Variants in IL1RAPL1 observed in about 807,000 individuals in gnomAD.
IL1RAPL1 encodes the protein interleukin 1 receptor accessory protein like 1.
In IL1RAPL1, 3 loss-of-function variants were observed where a neutral mutation model predicts 48.4. The ratio of observed to expected loss-of-function variants is 0.06; its 90% CI spans 0.03 to 0.16. The LOEUF is 0.16. Ranked by LOEUF, IL1RAPL1 falls within the 10% of genes least tolerant of loss-of-function variation. The pLI is 1.00. For synonymous variants in IL1RAPL1, 185 were observed against 187.7 expected (o/e 0.99, Z 0.12); for missense variants, 349 against 530.6 (o/e 0.66, Z 3.36).
chrX:29,775,397 C>T (rs1569165588), intron 6 of IL1RAPL1, among the ~76,000 whole-genome samples: 2 of 111,445 alleles, frequency 1.8e-5, no homozygotes, highest in Non-Finnish European at 3.8e-5. Flanking sequence ...TTGTGAGAAG[C>T]AAAAGGGGAC....
At chrX:29,674,350 G>A (rs185820653) in intron 6 of IL1RAPL1, among the ~76,000 whole-genome samples, 311 of 111,507 alleles carry the variant, frequency 2.8e-3, no homozygotes, top group African/African-American at 9.1e-3. Context: ...CACTTGGGCC[G>A]AGGTGATTGA....
chrX:28,874,965 C>G (rs766114159), intron 2 of IL1RAPL1, among the ~76,000 whole-genome samples: 35 of 111,769 alleles, frequency 3.1e-4, no homozygotes, highest in African/African-American at 1.1e-3. Context: ...GTTGATTTCT[C>G]TACTTATTGA....
At chrX:29,305,172 G>A (rs1932598562) in intron 3 of IL1RAPL1, among the ~76,000 whole-genome samples, 1 of 111,972 alleles carries the variant, frequency 8.9e-6, no homozygotes, top group African/African-American at 3.2e-5. Flanking sequence ...AATTATAACC[G>A]GGTGGTATTG....
At chrX:28,799,684 C>T (rs1281702738) in intron 2 of IL1RAPL1, among the ~76,000 whole-genome samples, 1 of 111,211 alleles carries the variant, frequency 9.0e-6, no homozygotes, top group African/African-American at 3.3e-5. Context: ...GTAAGGGACT[C>T]GATAAAAATC....
At chrX:28,636,643 C>T (rs1934468571) in intron 1 of IL1RAPL1, among the ~76,000 whole-genome samples, 1 of 111,678 alleles carries the variant, frequency 9.0e-6, no homozygotes, top group African/African-American at 3.3e-5. Flanking sequence ...TGGCTTTCAG[C>T]TTCATGATTG....
chrX:29,564,453 CAG>C (rs1385002131), intron 5 of IL1RAPL1, among the ~76,000 whole-genome samples: 1 of 113,110 alleles, frequency 8.8e-6, no homozygotes, highest in African/African-American at 3.2e-5. Flanking sequence ...GGAGTACTAA[CAG>C]AGAAAATTAT....
intron 5 of IL1RAPL1, among the ~76,000 whole-genome samples, chrX:29,449,780 C>CACACACACACACAGAGAGAGAGAG (rs557765024): frequency 1.7e-5 from 1 of 58,277 alleles, no homozygotes; most frequent in Non-Finnish European, 3.1e-5. Context: ...CACACACACA[C>CACACACACACACAGAGAGAGAGAG]AGAGAGAGAG....
At chrX:29,751,989 G>GTA (rs1299699663) in intron 6 of IL1RAPL1, among the ~76,000 whole-genome samples, 1 of 99,406 alleles carries the variant, frequency 1.0e-5, no homozygotes, top group African/African-American at 3.7e-5. Context: ...ATATGTGTGT[G>GTA]TATATATATA....
intron 5 of IL1RAPL1, among the ~76,000 whole-genome samples, chrX:29,550,765 A>G (rs1921789373): frequency 8.9e-6 from 1 of 112,120 alleles, no homozygotes; most frequent in African/African-American, 3.2e-5. Context: ...AGATGGTGCA[A>G]AAGGAAAACA....
intron 1 of IL1RAPL1, among the ~76,000 whole-genome samples, chrX:28,681,581 G>A (rs1601857467): frequency 9.0e-6 from 1 of 111,372 alleles, no homozygotes; most frequent in South Asian, 3.8e-4. Flanking sequence ...CTTGAGATGG[G>A]ATCTAATGTA....
intron 3 of IL1RAPL1, among the ~76,000 whole-genome samples, chrX:29,324,230 C>G (rs1191726659): frequency 9.0e-6 from 1 of 111,208 alleles, no homozygotes; most frequent in Non-Finnish European, 1.9e-5. Context: ...TCCTTCCCAT[C>G]ATAAGGGTCA....
At chrX:28,731,399 C>T (rs892340909) in intron 1 of IL1RAPL1, among the ~76,000 whole-genome samples, 6 of 111,497 alleles carry the variant, frequency 5.4e-5, no homozygotes, top group African/African-American at 2.0e-4. Flanking sequence ...GCAAAGTCTG[C>T]TTTTGTTGCC....
chrX:29,836,157 A>G (rs1215339823), intron 6 of IL1RAPL1, among the ~76,000 whole-genome samples: 1 of 101,321 alleles, frequency 9.9e-6, no homozygotes, highest in Non-Finnish European at 2.0e-5. Flanking sequence ...GCTGTAGCCC[A>G]TAGATTTTGG....
At chrX:29,040,033 T>C (rs1926812567) in intron 2 of IL1RAPL1, among the ~76,000 whole-genome samples, 1 of 111,776 alleles carries the variant, frequency 8.9e-6, no homozygotes, top group Admixed American at 9.5e-5. Flanking sequence ...ATTGAGACCT[T>C]CCAGATCAGG....
intron 2 of IL1RAPL1, chrX:28,941,965 T>A (rs1327556701): frequency 9.1e-6 from 1 of 109,830 alleles, no homozygotes; most frequent in Non-Finnish European, 1.9e-5. Context: ...CTGCTAAATT[T>A]GGAGGACTAC....
chrX:29,537,906 A>G (rs868556528), intron 5 of IL1RAPL1, among the ~76,000 whole-genome samples: 36 of 111,753 alleles, frequency 3.2e-4, no homozygotes, highest in Admixed American at 1.0e-3. Flanking sequence ...GTTCCATATT[A>G]ATTTTTCCTA....
At chrX:28,811,941 A>C (rs1039797813) in intron 2 of IL1RAPL1, among the ~76,000 whole-genome samples, 2 of 111,152 alleles carry the variant, frequency 1.8e-5, no homozygotes, top group African/African-American at 6.5e-5. Context: ...TGTGTGGCCT[A>C]CTAGGTTAGA....
At chrX:29,051,281 A>C (rs1355076529) in intron 2 of IL1RAPL1, among the ~76,000 whole-genome samples, 1 of 111,801 alleles carries the variant, frequency 8.9e-6, no homozygotes, top group African/African-American at 3.2e-5. Flanking sequence ...AAATGAAAAA[A>C]TTACTCCAAA....
intron 5 of IL1RAPL1, among the ~76,000 whole-genome samples, chrX:29,643,475 C>A (rs1331883843): frequency 8.9e-6 from 1 of 112,012 alleles, no homozygotes; most frequent in Non-Finnish European, 1.9e-5. Flanking sequence ...CAAGAGTATT[C>A]TGGAGTCTGT....
Sources: gnomAD v4.1 joint callset for allele counts (sites outside exome capture counted in the v4.1 genomes callset) on GRCh38, gnomAD v4.1.1 for gene constraint, MANE v1.5 for transcripts, NCBI Gene and HGNC (gene_info 2026-07-23, HGNC 2026-07-21) for gene names.